The following KIF26B variants were observed in gnomAD, a reference collection of about 807,000 sequenced individuals.
KIF26B encodes the protein kinesin-like protein KIF26B.
Under a neutral mutation model 151.2 loss-of-function variants are expected in KIF26B, and 63 were observed. The ratio of observed to expected loss-of-function variants is 0.42; its 90% CI spans 0.34 to 0.51. The LOEUF is 0.51. KIF26B is among the 20% of genes least tolerant of loss of function. The probability of loss-of-function intolerance (pLI) is 0.07; values close to 1 mark genes in which losing one functional copy is unlikely to be tolerated. For synonymous variants in KIF26B, 1,357 were observed against 1,262.1 expected (o/e 1.08, Z -1.59); for missense variants, 2,813 against 2,913.6 (o/e 0.97, Z 0.79).
chr1:245,175,963 T>G (rs1408271674), intron 2 of KIF26B, among the ~76,000 whole-genome samples: 3 of 133,184 alleles, frequency 2.3e-5, no homozygotes, highest in African/African-American at 9.3e-5. Flanking sequence ...TCTATATCTA[T>G]ATATATAGAC....
intron 5 of KIF26B, among the ~76,000 whole-genome samples, chr1:245,556,304 CTCCTCCTCCTTCTTCTTCTTCCTCCTTCT>C (rs1432334300): frequency 4.5e-4 from 65 of 144,750 alleles, no homozygotes; most frequent in Middle Eastern, 3.9e-3. Context: ...TTCCTCCCTC[CTCCTCCTCCTTCTTCTTCTTCCTCCTTCT>C]TCCTCCTTCC....
intron 10 of KIF26B, among the ~76,000 whole-genome samples, chr1:245,672,807 G>A (rs2044304733): frequency 6.6e-6 from 1 of 152,132 alleles, no homozygotes; most frequent in Admixed American, 6.6e-5. Context: ...CAAGGAATGT[G>A]GAGGGATAAG....
At chr1:245,609,221 G>A (rs1346287522) in intron 7 of KIF26B, 45 bp from the exon 8 acceptor site, 14 of 1,539,450 alleles carry the variant, frequency 9.1e-6, no homozygotes, top group Non-Finnish European at 1.2e-5. Context: ...GTGGAATGAT[G>A]CCTGGACACT....
chr1:245,466,660 TCA>T (rs1659798538), intron 4 of KIF26B, among the ~76,000 whole-genome samples: 3 of 152,194 alleles, frequency 2.0e-5, no homozygotes, highest in African/African-American at 7.2e-5. Flanking sequence ...GCGTGGTGGC[TCA>T]CGCCTGTAAT....
Position 245,177,850 on chromosome 1 carries a change from G to A in KIF26B, c.465+21167G>A, listed in dbSNP as rs559660827. On this transcript the variant is annotated intron_variant, in intron 2 of 14. Coordinates refer to ENST00000407071, the MANE Select transcript of KIF26B (RefSeq NM_018012.4). Reference sequence around the variant, plus strand: ...CCTATCACAAGTTTAATGGCTTCAGGTCCTATGTTTTTAGCCGAGAAAATG... The same window carrying A: ...CCTATCACAAGTTTAATGGCTTCAGATCCTATGTTTTTAGCCGAGAAAATG... Among the ~76,000 whole-genome samples, 13 of 152,218 alleles carry A rather than the reference G, an allele frequency of 8.5e-5. No individual in the cohort carries two copies. In the South Asian group the frequency reaches 2.7e-3, roughly 32 times the overall value.
intron 2 of KIF26B, among the ~76,000 whole-genome samples, chr1:245,281,696 A>G (rs1046165356): frequency 1.3e-5 from 2 of 149,300 alleles, no homozygotes; most frequent in African/African-American, 4.9e-5. Context: ...TATGTCCTGA[A>G]TGGTAATGCC....
At chr1:245,387,144 G>GT (rs202098222) in intron 3 of KIF26B, among the ~76,000 whole-genome samples, 2,845 of 144,898 alleles carry the variant, frequency 0.02, 89 homozygotes, top group African/African-American at 0.067. Flanking sequence ...TCTGACCTAG[G>GT]TTTTTTTTTG....
intron 10 of KIF26B, among the ~76,000 whole-genome samples, chr1:245,680,366 CTAAA>C (rs1160981004): frequency 1.2e-4 from 19 of 152,296 alleles, no homozygotes; most frequent in Non-Finnish European, 2.2e-4. Context: ...ACAAGGAGAG[CTAAA>C]ATGCCGGTTG....
chr1:245,609,694 T>A (rs1408905601), intron 8 of KIF26B, among the ~76,000 whole-genome samples, 166 bp downstream of exon 8: 1 of 152,212 alleles, frequency 6.6e-6, no homozygotes, highest in Non-Finnish European at 1.5e-5. Context: ...GGCCATCGGC[T>A]TGCCCAGTCT....
intron 3 of KIF26B, among the ~76,000 whole-genome samples, chr1:245,418,084 G>T (rs1264737620): frequency 6.6e-6 from 1 of 152,234 alleles, no homozygotes; most frequent in African/African-American, 2.4e-5. Flanking sequence ...GCTGTTGAGT[G>T]GGGATGACGG....
At position 245,358,938 on chromosome 1, in the gene KIF26B, C is replaced by G. The variant is rs776931750; in HGVS notation, c.466-7896C>G. On this transcript the variant is annotated intron_variant, in intron 2 of 14. Transcript: ENST00000407071. This position sits in a 1 kb window ranked among gnomAD's most constrained non-coding sequence, Gnocchi z 4.1. Reference sequence around the variant, plus strand: ...CTCTGAATCTATTTGTGAAGGGATCCTATTTCCCAACAGCCAAGGGATATA... The same window carrying G: ...CTCTGAATCTATTTGTGAAGGGATCGTATTTCCCAACAGCCAAGGGATATA... Among the ~76,000 whole-genome samples the G allele has an allele frequency of 2.8e-4, 43 of 152,224 alleles. No individual in the cohort carries two copies. The highest frequency in any genetic ancestry group is 5.2e-4 in the Admixed American group (8 of 15,286).
chr1:245,484,817 A>C (rs1660245585), intron 4 of KIF26B, among the ~76,000 whole-genome samples: 2 of 147,168 alleles, frequency 1.4e-5, no homozygotes, highest in South Asian at 2.1e-4. Context: ...TCAAAGGAGA[A>C]GCTCCCAAGA....
chr1:245,697,336 AG>A (rs761193354), intron 12 of KIF26B, among the ~76,000 whole-genome samples: 1 of 152,220 alleles, frequency 6.6e-6, no homozygotes, highest in African/African-American at 2.4e-5. Flanking sequence ...CTGCTGTGAA[AG>A]AAAGAGGATA....
At chr1:245,262,918 G>A (rs956181770) in intron 2 of KIF26B, among the ~76,000 whole-genome samples, 3 of 152,220 alleles carry the variant, frequency 2.0e-5, no homozygotes, top group Non-Finnish European at 4.4e-5. Flanking sequence ...TTTAGTTAGG[G>A]AGAGAACTTC....
At chr1:245,343,808 G>A (rs141426742) in intron 2 of KIF26B, among the ~76,000 whole-genome samples, 4 of 152,148 alleles carry the variant, frequency 2.6e-5, no homozygotes, top group African/African-American at 9.7e-5. Flanking sequence ...GCAGAGGTAT[G>A]GTTTTGATTT....
intron 4 of KIF26B, among the ~76,000 whole-genome samples, chr1:245,429,826 G>C (rs1558162436): frequency 6.6e-6 from 1 of 152,136 alleles, no homozygotes; most frequent in Admixed American, 6.5e-5. Context: ...TGTTGGCCAG[G>C]CTGGTCTTGG....
At chr1:245,509,282 C>T (rs1660783817) in intron 4 of KIF26B, among the ~76,000 whole-genome samples, 1 of 152,136 alleles carries the variant, frequency 6.6e-6, no homozygotes, top group Non-Finnish European at 1.5e-5. Context: ...GGGATTGGAG[C>T]CGTTCTCTAT....
At chr1:245,609,883 G>A (rs968934012) in intron 8 of KIF26B, among the ~76,000 whole-genome samples, 2 of 152,050 alleles carry the variant, frequency 1.3e-5, no homozygotes, top group African/African-American at 4.8e-5. Flanking sequence ...GAGCCATTAC[G>A]GGGCTGTTGA....
intron 2 of KIF26B, among the ~76,000 whole-genome samples, chr1:245,228,786 C>T (rs927174732): frequency 6.6e-6 from 1 of 152,138 alleles, no homozygotes; most frequent in Non-Finnish European, 1.5e-5. Context: ...GGTTGCTTCA[C>T]CCCTGGAGGC....
Sources: allele counts gnomAD v4.1 joint callset (sites outside exome capture counted in the v4.1 genomes callset), GRCh38; gene constraint gnomAD v4.1.1; non-coding constraint Gnocchi (gnomAD v3.1); transcripts MANE v1.5; gene names NCBI Gene and HGNC (gene_info 2026-07-23, HGNC 2026-07-21).